NRG3: variants seen among roughly 807,000 people sequenced by gnomAD.
NRG3 encodes neuregulin 3, also known as pro-neuregulin-3, membrane-bound isoform.
In NRG3, 31 loss-of-function variants were observed where a neutral mutation model predicts 66.9. The ratio of observed to expected loss-of-function variants is 0.46; its 90% CI spans 0.35 to 0.63. The LOEUF is 0.63. NRG3 is among the 20% of genes least tolerant of loss of function. NRG3 has a pLI of 0.00. For synonymous variants in NRG3, 393 were observed against 359.4 expected (o/e 1.09, Z -1.06); for missense variants, 910 against 878.9 (o/e 1.04, Z -0.45).
At chr10:82,729,476 G>A (rs1345050925) in intron 2 of NRG3, among the ~76,000 whole-genome samples, 1 of 152,038 alleles carries the variant, frequency 6.6e-6, no homozygotes, top group Admixed American at 6.5e-5. Context: ...TAAAATCAAA[G>A]CTAAGTTAGA....
At position 82,792,900 on chromosome 10, in the gene NRG3, C is replaced by T. The variant is rs117756215; in HGVS notation, c.1027+54250C>T. The stretch of plus-strand genomic sequence containing the variant: ...TTTCTCCATGTTGTTTAGGCTGGTC[C>T]GAACTCCCAACCTCAGGTGATCCGC... On this transcript the variant is annotated intron_variant, in intron 3 of 8. Coordinates refer to ENST00000372141, the MANE Select transcript of NRG3 (RefSeq NM_001010848.4). Among the ~76,000 whole-genome samples, 486 of 151,932 alleles carry T rather than the reference C, an allele frequency of 3.2e-3. 3 individuals are homozygous for T. The highest frequency in any genetic ancestry group is 4.7e-3 in the Non-Finnish European group (319 of 67,964).
chr10:81,905,491 T>C (rs1201746690), intron 1 of NRG3, among the ~76,000 whole-genome samples: 1 of 152,110 alleles, frequency 6.6e-6, no homozygotes, highest in African/African-American at 2.4e-5. Flanking sequence ...CAGAGAGGAG[T>C]TGAAAAACAA....
chr10:82,111,113 C>G lies in NRG3; in HGVS notation c.823+234950C>G, dbSNP rs78003273. Among the ~76,000 whole-genome samples the G allele has an allele frequency of 5.6e-3, 859 of 152,154 alleles. 1 individual carries two copies. The highest frequency in any genetic ancestry group is 8.3e-3 in the Non-Finnish European group (563 of 67,988). On this transcript the variant is annotated intron_variant, in intron 1 of 8. Transcript: ENST00000372141. ...AATCAAAAATTTTGAAAACATGTTC[C>G]CACATGTGGACATACTCCCTTGGGT...
chr10:82,361,391 A>G (rs1313116628), intron 2 of NRG3, among the ~76,000 whole-genome samples: 2 of 152,204 alleles, frequency 1.3e-5, no homozygotes, highest in Non-Finnish European at 2.9e-5. Context: ...ACTGGTGTGT[A>G]TGAATAAATC....
chr10:82,692,723 G>A (rs1451906738), intron 2 of NRG3, among the ~76,000 whole-genome samples: 1 of 152,202 alleles, frequency 6.6e-6, no homozygotes, highest in East Asian at 1.9e-4. Flanking sequence ...CCCCTGTGCA[G>A]TTCCCTCATC....
At chr10:82,140,149 A>G (rs2069662380) in intron 1 of NRG3, among the ~76,000 whole-genome samples, 1 of 152,154 alleles carries the variant, frequency 6.6e-6, no homozygotes, top group African/African-American at 2.4e-5. Context: ...TTTAACTGTT[A>G]ATAGTCAATG....
chr10:82,883,778 C>T (rs1842489034), intron 4 of NRG3, among the ~76,000 whole-genome samples: 1 of 152,000 alleles, frequency 6.6e-6, no homozygotes, highest in Non-Finnish European at 1.5e-5. Flanking sequence ...AACCTATGTC[C>T]CATGGTATTT....
intron 2 of NRG3, among the ~76,000 whole-genome samples, chr10:82,529,511 GTTTA>G (rs1418278436): frequency 6.6e-6 from 1 of 152,152 alleles, no homozygotes; most frequent in Non-Finnish European, 1.5e-5. Flanking sequence ...ATCTACAACT[GTTTA>G]TTTAGTTTGT....
chr10:82,601,311 T>G (rs1411550507), intron 2 of NRG3, among the ~76,000 whole-genome samples: 1 of 152,218 alleles, frequency 6.6e-6, no homozygotes, highest in Non-Finnish European at 1.5e-5. Context: ...TCATCAGTAT[T>G]CTGAGTTTGT....
intron 3 of NRG3, among the ~76,000 whole-genome samples, chr10:82,741,768 G>A (rs548051668): frequency 1.3e-5 from 2 of 152,138 alleles, no homozygotes; most frequent in East Asian, 1.9e-4. Context: ...ACTGAAGGGC[G>A]CTTTCCTCCC....
At chr10:82,917,620 A>G (rs759015468) in intron 4 of NRG3, among the ~76,000 whole-genome samples, 1 of 152,034 alleles carries the variant, frequency 6.6e-6, no homozygotes, top group South Asian at 2.1e-4. Context: ...CAGTAACTTC[A>G]TCTTCCTTGT....
At chr10:82,733,547 T>C (rs1035543694) in intron 2 of NRG3, among the ~76,000 whole-genome samples, 1 of 152,184 alleles carries the variant, frequency 6.6e-6, no homozygotes, top group East Asian at 1.9e-4. Context: ...GGGCTATCTA[T>C]GTAGATAATC....
intron 1 of NRG3, among the ~76,000 whole-genome samples, chr10:81,995,732 T>C (rs1444146401): frequency 6.6e-6 from 1 of 152,230 alleles, no homozygotes; most frequent in Non-Finnish European, 1.5e-5. Flanking sequence ...GGGTGAATGA[T>C]AGACCACCCA....
intron 1 of NRG3, among the ~76,000 whole-genome samples, chr10:82,132,516 G>GATATATATAAT (rs1318095947): frequency 8.4e-5 from 1 of 11,842 alleles, no homozygotes; most frequent in Admixed American, 5.2e-4. Flanking sequence ...ATATATATAT[G>GATATATATAAT]ATATATATGA....
At chr10:81,953,677 A>C (rs1417797676) in intron 1 of NRG3, among the ~76,000 whole-genome samples, 1 of 152,230 alleles carries the variant, frequency 6.6e-6, no homozygotes, top group East Asian at 1.9e-4. Flanking sequence ...GTTTATAGCA[A>C]ACATAAAATG....
chr10:81,889,595 G>A (rs375284296), intron 1 of NRG3: 21 of 152,190 alleles, frequency 1.4e-4, no homozygotes, highest in African/African-American at 2.9e-4. Context: ...GGGCTATAGC[G>A]CTGTGTAAGA....
At chr10:82,682,083 A>G (rs1176390938) in intron 2 of NRG3, among the ~76,000 whole-genome samples, 1 of 152,238 alleles carries the variant, frequency 6.6e-6, no homozygotes, top group African/African-American at 2.4e-5. Context: ...TGAGAGCCAT[A>G]GAATCAGAAG....
chr10:82,913,678 G>A lies in NRG3; in HGVS notation c.1055-37791G>A, dbSNP rs1383391825. ...TGGAAGTCTGTAATACTTATACTTG[G>A]TTCTCTATAGGTGAGGTGTTTTCCC... On this transcript the variant is annotated intron_variant, in intron 4 of 8. Transcript: ENST00000372141. Among the ~76,000 whole-genome samples the A allele has an allele frequency of 2.6e-5, 4 of 152,186 alleles. No individual in the cohort carries two copies. The East Asian group carries it at 7.7e-4, about 29-fold the overall frequency.
intron 2 of NRG3, among the ~76,000 whole-genome samples, chr10:82,657,005 C>A (rs2051923754): frequency 6.6e-6 from 1 of 151,968 alleles, no homozygotes; most frequent in Non-Finnish European, 1.5e-5. Flanking sequence ...GGCAGGCTTC[C>A]CCACACACCC....
Sources: gnomAD v4.1 joint callset for allele counts (sites outside exome capture counted in the v4.1 genomes callset) on GRCh38, gnomAD v4.1.1 for gene constraint, MANE v1.5 for transcripts, NCBI Gene and HGNC (gene_info 2026-07-23, HGNC 2026-07-21) for gene names.